LYRM4: variants seen among roughly 807,000 people sequenced by gnomAD.
LYRM4 encodes the protein LYR motif-containing protein 4.
Under a neutral mutation model 11.7 loss-of-function variants are expected in LYRM4, and 9 were observed. That is an observed-to-expected ratio of 0.77 (90% CI 0.46 to 1.34). LYRM4 has a LOEUF of 1.34. Among genes scored for constraint, LYRM4 ranks in the 40% most tolerant of loss-of-function variants. The pLI is 0.00. For synonymous variants in LYRM4, 42 were observed against 40.4 expected, an observed-to-expected ratio of 1.04 and a Z score of -0.15; for missense variants, 133 against 112.5, an observed-to-expected ratio of 1.18 and a Z score of -0.82.
At chr6:5,230,335 T>C (rs1763162001) in intron 1 of LYRM4, among the ~76,000 whole-genome samples, 1 of 152,234 alleles carries the variant, frequency 6.6e-6, no homozygotes. Flanking sequence ...CTTATGAAAC[T>C]GGTCATATTT....
chr6:5,188,731 C>T lies in LYRM4; in HGVS notation c.207+27887G>A, dbSNP rs931085472. ...TAAACATTTTGTGTAGAGCTTGGTA[C>T]ACAGTAAGAACTTAATAAACATGAC... On this transcript the variant is annotated intron_variant, in intron 2 of 2. Coordinates refer to ENST00000330636, the MANE Select transcript of LYRM4 (RefSeq NM_020408.6). Among the ~76,000 whole-genome samples the T allele has an allele frequency of 5.0e-5, 7 of 139,998 alleles. 1 individual carries two copies. Among genetic ancestry groups the T allele is most frequent in the South Asian group, 2.3e-4 (1 of 4,266 alleles). 91.8% of individuals were successfully genotyped at this position (139,998 alleles called of 152,430 possible). A position where few individuals can be genotyped will look rare whatever the true frequency, so the allele number is the denominator to read the frequency against.
At chr6:5,123,364 G>A (rs578095216) in intron 2 of LYRM4, among the ~76,000 whole-genome samples, 1 of 152,322 alleles carries the variant, frequency 6.6e-6, no homozygotes, top group African/African-American at 2.4e-5. Flanking sequence ...GTGGGACAGG[G>A]GGCGGTGAGC....
the LYRM4 span, among the ~76,000 whole-genome samples, chr6:5,074,881 G>T: frequency 6.6e-6 from 1 of 152,130 alleles, no homozygotes; most frequent in Non-Finnish European, 1.5e-5. Context: ...CTGTTGAATT[G>T]TAATCCCTAA....
rs79226838 is a variant in LYRM4, at chr6:5,230,017, C to T, written c.87-13279G>A. On this transcript the variant is annotated intron_variant, in intron 1 of 2. Transcript: ENST00000330636. ...TTGTTGCAAACAAGATTTTTTAAAA[C>T]GTAAACCAATTTATCAAAGTAAAGG... 4.3e-3 allele frequency among the ~76,000 whole-genome samples: 653 copies of T among 152,248 alleles called. 7 individuals carry two copies. The highest frequency in any genetic ancestry group is 0.015 in the African/African-American group (622 of 41,554).
chr6:5,034,754 T>TGACAATAAATGCTTTTTTTTTTTTTA, the LYRM4 span: 1 of 8,640 alleles, frequency 1.2e-4, no homozygotes, highest in African/African-American at 2.3e-4. Flanking sequence ...ACAGCAATGC[T>TGACAATAAATGCTTTTTTTTTTTTTA]TTTTTTTTTT....
the LYRM4 span, among the ~76,000 whole-genome samples, chr6:5,089,955 A>G: frequency 3.3e-5 from 5 of 152,136 alleles, no homozygotes; most frequent in Admixed American, 2.0e-4. Context: ...AGTTATTTCA[A>G]AGGAAAGGGC....
In LYRM4 at chr6:5,120,212, A is replaced by G. The variant is rs569807654; in HGVS notation, c.208-10721T>C. On this transcript the variant is annotated intron_variant, in intron 2 of 2. Coordinates refer to ENST00000330636, the MANE Select transcript of LYRM4 (RefSeq NM_020408.6). ...GCCTGGCCGGGAATGAAATTATTTG[A>G]ATGGATCTCAAAGAGCCCAAAGTCG... is the stretch of plus-strand genomic sequence containing the variant. Among the ~76,000 whole-genome samples the G allele has an allele frequency of 1.2e-3, 182 of 152,234 alleles. 1 individual carries two copies. The highest frequency in any genetic ancestry group is 4.2e-3 in the African/African-American group (173 of 41,536).
chr6:5,034,400 T>C, the LYRM4 span: 1 of 152,274 alleles, frequency 6.6e-6, no homozygotes, highest in South Asian at 2.1e-4. Context: ...TGTTGAAATG[T>C]GATCCCCAGT....
At chr6:5,165,428 G>A (rs537160789) in intron 2 of LYRM4, among the ~76,000 whole-genome samples, 114 of 152,260 alleles carry the variant, frequency 7.5e-4, no homozygotes, top group Non-Finnish European at 3.2e-4. Context: ...TTGTGTCAAT[G>A]CTAAACTAAT....
intron 2 of LYRM4, among the ~76,000 whole-genome samples, chr6:5,209,904 T>C (rs1028200506): frequency 2.6e-5 from 4 of 152,240 alleles, no homozygotes; most frequent in African/African-American, 9.6e-5. Context: ...AGTTATTACA[T>C]TATTGTTCTT....
chr6:5,213,949 T>C (rs765566056), intron 2 of LYRM4, among the ~76,000 whole-genome samples: 9 of 152,256 alleles, frequency 5.9e-5, no homozygotes, highest in Non-Finnish European at 1.2e-4. Context: ...TACTTTCATC[T>C]GCAGTTTGCA....
chr6:5,108,684 TG>T lies in LYRM4; in HGVS notation c.*738del. On this transcript the variant is annotated 3_prime_UTR_variant, in exon 3 of 3. Transcript: ENST00000330636. ...CCAGCATGCCCCAGGCTTCAGGGTA[TG>T]GGAGTCGCCCTGGGCTTGGGTCAGG... 2.7e-6 allele frequency: 2 copies of T among 728,636 alleles called. No individual in the cohort carries two copies. Among genetic ancestry groups the T allele is most frequent in the Non-Finnish European group, 3.4e-6 (2 of 595,312 alleles). 45.1% of individuals were successfully genotyped at this position (728,636 alleles called of 1,614,324 possible).
intron 2 of LYRM4, among the ~76,000 whole-genome samples, chr6:5,196,006 A>G (rs1761032576): frequency 6.6e-6 from 1 of 152,148 alleles, no homozygotes; most frequent in Non-Finnish European, 1.5e-5. Flanking sequence ...GCATCATCAT[A>G]AGCTCTTGTC....
At chr6:5,154,790 G>A (rs1006662988) in intron 2 of LYRM4, among the ~76,000 whole-genome samples, 1 of 152,178 alleles carries the variant, frequency 6.6e-6, no homozygotes, top group South Asian at 2.1e-4. Flanking sequence ...CTGCACTCCA[G>A]CCTGGGCGAC....
In LYRM4 at chr6:5,260,935, G is replaced by T. The variant is rs985312219; in HGVS notation, c.-202C>A. The T allele has an allele frequency of 1.5e-6, 2 of 1,350,380 alleles. No individual in the cohort carries two copies. Among genetic ancestry groups the T allele is most frequent in the Non-Finnish European group, 1.9e-6 (2 of 1,055,524 alleles). 83.6% of individuals were successfully genotyped at this position (1,350,380 alleles called of 1,614,324 possible). On this transcript the variant is annotated 5_prime_UTR_variant, in exon 1 of 3. Coordinates refer to ENST00000330636, the MANE Select transcript of LYRM4 (RefSeq NM_020408.6). ...GGCGTCCCGCGCCGCTTCGGGGGCG[G>T]GCGCAGGCAGGGCTCGGGGCAGCTA...
chr6:5,171,836 G>GT (rs1195567687), intron 2 of LYRM4, among the ~76,000 whole-genome samples: 1 of 152,116 alleles, frequency 6.6e-6, no homozygotes, highest in African/African-American at 2.4e-5. Flanking sequence ...TCTTTAAATT[G>GT]TTTTTTATCA....
At chr6:5,249,294 CTTAAT>C (rs1469950650) in intron 1 of LYRM4, among the ~76,000 whole-genome samples, 1 of 152,096 alleles carries the variant, frequency 6.6e-6, no homozygotes, top group East Asian at 1.9e-4. Flanking sequence ...GTCAAGGTTT[CTTAAT>C]TTAAAGGCCA....
chr6:5,064,913 T>C, the LYRM4 span, among the ~76,000 whole-genome samples: 3 of 152,132 alleles, frequency 2.0e-5, no homozygotes, highest in African/African-American at 2.4e-5. Context: ...ATAGTTTACA[T>C]CAAGGCTTAG....
intron 1 of LYRM4, 106 bp from the exon 2 acceptor site, chr6:5,216,844 C>G (rs1762301276): frequency 2.0e-5 from 27 of 1,336,862 alleles, no homozygotes; most frequent in Non-Finnish European, 2.7e-5. Context: ...TTTAATCTTC[C>G]CCTACGGATA....
Sources: gnomAD v4.1 joint callset for allele counts (sites outside exome capture counted in the v4.1 genomes callset) on GRCh38, gnomAD v4.1.1 for gene constraint, MANE v1.5 for transcripts, NCBI Gene and HGNC (gene_info 2026-07-23, HGNC 2026-07-21) for gene names.